The following PDE4DIP variants were observed in gnomAD, a reference collection of about 807,000 sequenced individuals.
PDE4DIP encodes myomegalin.
PDE4DIP carries 59 observed loss-of-function variants against 221.4 expected under a neutral mutation model. That is an observed-to-expected ratio of 0.27 (90% CI 0.22 to 0.33). The LOEUF (loss-of-function observed/expected upper bound fraction) is 0.33, where lower values mean the gene tolerates loss of function less well. PDE4DIP is among the 10% of genes least tolerant of loss of function. PDE4DIP has a pLI of 1.00. For synonymous variants in PDE4DIP, 404 were observed against 815.9 expected, an observed-to-expected ratio of 0.50 and a Z score of 8.60; for missense variants, 1,036 against 2,154.2, an observed-to-expected ratio of 0.48 and a Z score of 10.28.
At chr1:148,828,312 AT>A (rs587733287) in intron 1 of PDE4DIP, among the ~76,000 whole-genome samples, 12 of 62,454 alleles carry the variant, frequency 1.9e-4, no homozygotes, top group Admixed American at 7.0e-4. Flanking sequence ...TGGCAGCAAT[AT>A]TTTTTTTTTC....
chr1:148,951,257 G>C (rs2053148256), intron 5 of PDE4DIP, among the ~76,000 whole-genome samples: 1 of 148,290 alleles, frequency 6.7e-6, no homozygotes, highest in Non-Finnish European at 1.5e-5. Flanking sequence ...CCTGCTCTAG[G>C]GGACTGCAAG....
chr1:149,028,637 C>T (rs781979473), exon 41 of PDE4DIP: 5 of 1,602,520 alleles, frequency 3.1e-6, no homozygotes, highest in Admixed American at 1.7e-5. Flanking sequence ...AGTCAGCTTC[C>T]CTCCTCACCA....
At chr1:148,999,457 G>A (rs2065098943) in intron 23 of PDE4DIP, among the ~76,000 whole-genome samples, 1 of 152,200 alleles carries the variant, frequency 6.6e-6, no homozygotes, top group Non-Finnish European at 1.5e-5. Context: ...GGCCTAGAAA[G>A]TTTCAAGTGA....
At chr1:148,916,910 A>C (rs2044207205) in intron 1 of PDE4DIP, among the ~76,000 whole-genome samples, 1 of 151,488 alleles carries the variant, frequency 6.6e-6, no homozygotes. Context: ...CATTCTGAAC[A>C]TCCCCTTTAG....
chr1:148,989,258 A>C (rs1553554073), intron 21 of PDE4DIP: 2 of 671,390 alleles, frequency 3.0e-6, no homozygotes, highest in Admixed American at 9.1e-5. Context: ...CAACCCTTAA[A>C]GCTGCCATAA....
chr1:149,020,101 G>C, intron 35 of PDE4DIP, 46 bp from the exon 39 acceptor site: 1 of 448,916 alleles, frequency 2.2e-6, no homozygotes. Context: ...TTCCAGCTGA[G>C]CTCTGGCCCC....
rs1282344082 is a variant in PDE4DIP at position 148,922,896 on chromosome 1, ATTTTT to A, written c.142-6298_142-6294del. 1.0e-4 allele frequency among the ~76,000 whole-genome samples: 15 copies of A among 144,304 alleles called. 1 individual carries two copies. The East Asian group carries it at 2.3e-3, about 22-fold the overall frequency. The allele number at this position is 144,304 out of a possible 152,430, so 94.7% of individuals were successfully genotyped here. ...CCACCGTGCCCGGCCCTTATTTTTT[ATTTTT>A]TTGAGGTGGAGTTTCTCTCTGTCAC... is the stretch of plus-strand genomic sequence containing the variant. On this transcript the variant is annotated intron_variant, in intron 1 of 43. Transcript: ENST00000369354.
At chr1:148,960,186 C>G (rs1422137184) in intron 5 of PDE4DIP, among the ~76,000 whole-genome samples, 1 of 152,300 alleles carries the variant, frequency 6.6e-6, no homozygotes, top group African/African-American at 2.4e-5. Context: ...TAGTCCATAT[C>G]AAAATCTGCC....
At chr1:149,020,900 T>A in intron 36 of PDE4DIP, 129 bp from the exon 40 acceptor site, 1 of 576,812 alleles carries the variant, frequency 1.7e-6, no homozygotes, top group Middle Eastern at 4.8e-4. Context: ...AGTTGACATC[T>A]GGGGCTCAGA....
chr1:148,964,037 C>A (rs1481348669), intron 9 of PDE4DIP, among the ~76,000 whole-genome samples: 3 of 151,646 alleles, frequency 2.0e-5, no homozygotes, highest in Non-Finnish European at 2.9e-5. Flanking sequence ...AGATTACAGG[C>A]GTGAGCCACT....
exon 2 of PDE4DIP, chr1:148,929,224 A>G (rs2047311755): frequency 1.2e-6 from 2 of 1,613,584 alleles, no homozygotes; most frequent in Non-Finnish European, 1.7e-6. Flanking sequence ...TGAAGTGGAG[A>G]GCTTGAAACG....
At chr1:148,940,848 T>G (rs1346116420) in intron 5 of PDE4DIP, among the ~76,000 whole-genome samples, 1 of 151,988 alleles carries the variant, frequency 6.6e-6, no homozygotes, top group Non-Finnish European at 1.5e-5. Flanking sequence ...GTTTAATTCA[T>G]GGAAAAATTT....
chr1:148,934,391 C>T (rs1419500126), intron 4 of PDE4DIP, among the ~76,000 whole-genome samples: 2 of 151,724 alleles, frequency 1.3e-5, no homozygotes, highest in African/African-American at 4.8e-5. Context: ...AAATTGAGGC[C>T]ACTCATCAGA....
intron 41 of PDE4DIP, among the ~76,000 whole-genome samples, chr1:149,029,169 C>T (rs1181966245): frequency 3.9e-4 from 60 of 152,220 alleles, no homozygotes; most frequent in African/African-American, 8.9e-4. Context: ...AAGCTGGCAT[C>T]GCTGGACCAG....
intron 5 of PDE4DIP, among the ~76,000 whole-genome samples, chr1:148,951,609 T>A (rs1350778496): frequency 6.6e-6 from 1 of 152,040 alleles, no homozygotes; most frequent in African/African-American, 2.4e-5. Flanking sequence ...GCCCTCTACC[T>A]GAGGGAAAGG....
intron 21 of PDE4DIP, chr1:148,989,252 C>T (rs782014709): frequency 1.5e-6 from 1 of 683,522 alleles, no homozygotes; most frequent in Non-Finnish European, 2.0e-6. Context: ...GCTGAGCAAC[C>T]CTTAAAGCTG....
At chr1:149,028,288 TGTG>T (rs1241334579) in intron 40 of PDE4DIP, among the ~76,000 whole-genome samples, 8 of 147,090 alleles carry the variant, frequency 5.4e-5, no homozygotes, top group Non-Finnish European at 1.0e-4. Flanking sequence ...CCAATACAAA[TGTG>T]GTCATTTATC....
chr1:149,012,586 C>T lies in PDE4DIP; in HGVS notation c.5081-5C>T. On this transcript the variant is annotated splice_region_variant and splice_polypyrimidine_tract_variant and intron_variant, in intron 31 of 43. Transcript: ENST00000369354. Reference sequence around the variant, plus strand: ...TCTCTTTTCTCCTTAACTTTCTTTTCCTAGGCTTTCATTTTCACTCCATAC... The same window carrying T: ...TCTCTTTTCTCCTTAACTTTCTTTTTCTAGGCTTTCATTTTCACTCCATAC... 3.2e-6 allele frequency: 5 copies of T among 1,582,304 alleles called. No individual in the cohort carries two copies. Among genetic ancestry groups the T allele is most frequent in the Non-Finnish European group, 4.3e-6 (5 of 1,167,816 alleles).
chr1:148,980,391 CA>C (rs1213239501), intron 20 of PDE4DIP, among the ~76,000 whole-genome samples: 5 of 148,644 alleles, frequency 3.4e-5, no homozygotes, highest in South Asian at 2.1e-4. Context: ...GACTCCGTCT[CA>C]AAAAAAAAGA....
Sources: allele counts gnomAD v4.1 joint callset (sites outside exome capture counted in the v4.1 genomes callset), GRCh38; gene constraint gnomAD v4.1.1; transcripts MANE v1.5; gene names NCBI Gene and HGNC (gene_info 2026-07-23, HGNC 2026-07-21).